Variants in MAPK10 observed in about 807,000 individuals in gnomAD.
MAPK10 encodes the protein mitogen-activated protein kinase 10, also known as JNK3 alpha protein kinase.
MAPK10 carries 25 observed loss-of-function variants against 59.3 expected under a neutral mutation model. The ratio of observed to expected loss-of-function variants is 0.42; its 90% CI spans 0.31 to 0.59. MAPK10 has a LOEUF of 0.59. Among genes scored for constraint, MAPK10 ranks in the 20% least tolerant of loss-of-function variants. MAPK10 has a pLI of 0.15. For missense variants in MAPK10, 351 were observed against 568.9 expected, an observed-to-expected ratio of 0.62 and a Z score of 3.90; for synonymous variants, 190 against 200.5, an observed-to-expected ratio of 0.95 and a Z score of 0.44.
At chr4:86,275,417 C>A (rs551585482) in intron 2 of MAPK10, among the ~76,000 whole-genome samples, 1 of 151,916 alleles carries the variant, frequency 6.6e-6, no homozygotes, top group South Asian at 2.1e-4. Flanking sequence ...GCGAATGACC[C>A]CAAATACTTA....
intron 1 of MAPK10, among the ~76,000 whole-genome samples, chr4:86,391,310 A>T (rs1433647384): frequency 3.3e-5 from 5 of 152,178 alleles, no homozygotes; most frequent in South Asian, 2.1e-4. Flanking sequence ...TTCCTTGAAA[A>T]TTTTTTCTTT....
At chr4:86,267,159 C>T (rs940051460) in intron 2 of MAPK10, among the ~76,000 whole-genome samples, 1 of 151,878 alleles carries the variant, frequency 6.6e-6, no homozygotes. Context: ...AAATACTGTC[C>T]TGAACAGAAA....
chr4:86,534,385 C>T (rs1758073276), intron 1 of MAPK10, among the ~76,000 whole-genome samples: 1 of 151,880 alleles, frequency 6.6e-6, no homozygotes, highest in Admixed American at 6.6e-5. Context: ...CAACTAGATG[C>T]AATGTGTTAT....
chr4:86,377,241 C>A (rs1375082571), intron 1 of MAPK10, among the ~76,000 whole-genome samples: 1 of 152,190 alleles, frequency 6.6e-6, no homozygotes, highest in Non-Finnish European at 1.5e-5. Flanking sequence ...TAAGGCAATT[C>A]TTTTGCAGGA....
chr4:86,306,635 T>C (rs55855396), intron 2 of MAPK10, among the ~76,000 whole-genome samples: 3,282 of 152,170 alleles, frequency 0.022, 112 homozygotes, highest in African/African-American at 0.073. Context: ...GAAAACAAAA[T>C]ATACACTATA....
At chr4:86,493,150 G>A (rs998137872) in intron 1 of MAPK10, among the ~76,000 whole-genome samples, 2 of 152,144 alleles carry the variant, frequency 1.3e-5, no homozygotes, top group Non-Finnish European at 2.9e-5. Context: ...CCTCACTTCC[G>A]ATTCCTGTAC....
At chr4:86,561,450 T>G (rs1249918837) in intron 1 of MAPK10, among the ~76,000 whole-genome samples, 1 of 152,254 alleles carries the variant, frequency 6.6e-6, no homozygotes, top group Non-Finnish European at 1.5e-5. Context: ...TTTCAAAAGC[T>G]CTTTCATTTC....
At chr4:86,225,185 T>C (rs929593724) in intron 2 of MAPK10, among the ~76,000 whole-genome samples, 2 of 152,176 alleles carry the variant, frequency 1.3e-5, no homozygotes, top group African/African-American at 4.8e-5. Context: ...AGCTGGAGTA[T>C]AGAAACTTGG....
intron 1 of MAPK10, among the ~76,000 whole-genome samples, chr4:86,408,969 C>A (rs1744762823): frequency 6.6e-6 from 1 of 152,146 alleles, no homozygotes; most frequent in Non-Finnish European, 1.5e-5. Context: ...GTCATGACGT[C>A]TTTGCCCATG....
In MAPK10 at chr4:86,237,290, A is replaced by G. The variant is rs1436461301; in HGVS notation, c.-6-42883T>C. On this transcript the variant is annotated intron_variant, in intron 2 of 13. Coordinates refer to ENST00000641462, the MANE Select transcript of MAPK10 (RefSeq NM_138982.4). ...TTTGGGTTTGTTCTGTGTCCGTGCT[A>G]TTGTAAATAGTGCTGCAATAAACAT... is the stretch of plus-strand genomic sequence containing the variant. Among the ~76,000 whole-genome samples, 4 of 152,150 alleles carry G rather than the reference A, an allele frequency of 2.6e-5. No homozygotes were observed. The East Asian group carries it at 7.7e-4, about 29-fold the overall frequency.
At chr4:86,205,091 A>T (rs2083501530) in intron 2 of MAPK10, among the ~76,000 whole-genome samples, 1 of 152,024 alleles carries the variant, frequency 6.6e-6, no homozygotes, top group Non-Finnish European at 1.5e-5. Context: ...ATAAGCTATC[A>T]TGACTAAGCC....
At chr4:86,450,829 T>A (rs1420868168) in intron 1 of MAPK10, among the ~76,000 whole-genome samples, 1 of 152,222 alleles carries the variant, frequency 6.6e-6, no homozygotes, top group Non-Finnish European at 1.5e-5. Flanking sequence ...CAAAATAAAA[T>A]GCTGGCTAAC....
chr4:86,404,679 T>C (rs757555257), intron 1 of MAPK10, among the ~76,000 whole-genome samples: 11 of 152,136 alleles, frequency 7.2e-5, no homozygotes, highest in Non-Finnish European at 1.2e-4. Context: ...CAGAGGAAGA[T>C]TGTCTGTAAG....
intron 2 of MAPK10, among the ~76,000 whole-genome samples, chr4:86,212,497 G>T (rs532282724): frequency 2.6e-5 from 4 of 152,182 alleles, no homozygotes; most frequent in African/African-American, 9.6e-5. Context: ...CTCCAGCCTG[G>T]GCAACAAAGT....
At chr4:86,074,260 A>G (rs890205540) in intron 9 of MAPK10, among the ~76,000 whole-genome samples, 14 of 142,058 alleles carry the variant, frequency 9.9e-5, no homozygotes, top group South Asian at 4.5e-4. Context: ...ATCTTCCTCC[A>G]TCCTTTTATT....
chr4:86,559,111 A>C (rs1350398095), intron 1 of MAPK10, among the ~76,000 whole-genome samples: 1 of 152,118 alleles, frequency 6.6e-6, no homozygotes, highest in Non-Finnish European at 1.5e-5. Flanking sequence ...TTGGAGTTCA[A>C]TGGCAAATGT....
chr4:86,113,126 C>T (rs60222797), intron 4 of MAPK10, among the ~76,000 whole-genome samples: 7,494 of 152,060 alleles, frequency 0.049, 618 homozygotes, highest in African/African-American at 0.17. Context: ...CAGAGATTGG[C>T]CTCTTGAATA....
intron 2 of MAPK10, among the ~76,000 whole-genome samples, chr4:86,285,497 G>C (rs578018029): frequency 1.3e-5 from 2 of 152,058 alleles, no homozygotes; most frequent in Admixed American, 6.6e-5. Flanking sequence ...TTACAGGTGT[G>C]AGCCACCGTG....
chr4:86,316,660 T>C (rs2095793632), intron 2 of MAPK10, among the ~76,000 whole-genome samples: 1 of 152,300 alleles, frequency 6.6e-6, no homozygotes, highest in Non-Finnish European at 1.5e-5. Flanking sequence ...TAAGGTGATA[T>C]GATTTTCATC....
Sources: allele counts gnomAD v4.1 joint callset (sites outside exome capture counted in the v4.1 genomes callset), GRCh38; gene constraint gnomAD v4.1.1; transcripts MANE v1.5; gene names NCBI Gene and HGNC (gene_info 2026-07-23, HGNC 2026-07-21).